Variants in CDH6 observed in about 807,000 individuals in gnomAD.
CDH6 encodes cadherin-6.
A neutral mutation model predicts 78.0 loss-of-function variants in CDH6; 31 were observed. The observed-to-expected ratio is 0.40, with a 90% CI of 0.30 to 0.54. The LOEUF (loss-of-function observed/expected upper bound fraction) is 0.54, where lower values mean the gene tolerates loss of function less well. Among genes scored for constraint, CDH6 ranks in the 20% least tolerant of loss-of-function variants. The pLI is 0.56. For synonymous variants in CDH6, 376 were observed against 368.8 expected (o/e 1.02, Z -0.23); for missense variants, 724 against 975.9 (o/e 0.74, Z 3.44).
In CDH6 at chr5:31,282,994, A is replaced by AGGAT. The variant is rs546068730; in HGVS notation, c.229-10944_229-10941dup. On this transcript the variant is annotated intron_variant, in intron 2 of 11. Coordinates refer to ENST00000265071, the MANE Select transcript of CDH6 (RefSeq NM_004932.4). ...AGTACACATTGATAAGAAAGATGGA[A>AGGAT]GGATGGATGGATGGATGGATGGATG... Among the ~76,000 whole-genome samples the AGGAT allele has an allele frequency of 3.9e-3, 589 of 152,184 alleles. 4 individuals are homozygous for AGGAT. Among genetic ancestry groups the AGGAT allele is most frequent in the African/African-American group, 0.011 (456 of 41,492 alleles).
intron 5 of CDH6, among the ~76,000 whole-genome samples, chr5:31,301,422 T>C (rs1737759326): frequency 6.6e-6 from 1 of 152,208 alleles, no homozygotes; most frequent in African/African-American, 2.4e-5. Flanking sequence ...TAAACTAAGT[T>C]TGCAACAGGA....
chr5:31,306,219 T>C (rs966296943), intron 7 of CDH6, among the ~76,000 whole-genome samples: 40 of 152,362 alleles, frequency 2.6e-4, no homozygotes, highest in Non-Finnish European at 1.5e-4. Flanking sequence ...TTTGTAGATG[T>C]AGATAAAAAC....
At chr5:31,281,090 C>T (rs1742851783) in intron 2 of CDH6, among the ~76,000 whole-genome samples, 1 of 152,092 alleles carries the variant, frequency 6.6e-6, no homozygotes, top group Non-Finnish European at 1.5e-5. Context: ...AGATACATAG[C>T]TTTAACTTTT....
At chr5:31,309,785 G>C (rs1218599866) in intron 7 of CDH6, among the ~76,000 whole-genome samples, 1 of 152,182 alleles carries the variant, frequency 6.6e-6, no homozygotes, top group Non-Finnish European at 1.5e-5. Flanking sequence ...AAGAGGGAAA[G>C]GAAGGGGAAA....
At chr5:31,225,448 G>A (rs1246899246) in intron 1 of CDH6, among the ~76,000 whole-genome samples, 1 of 152,110 alleles carries the variant, frequency 6.6e-6, no homozygotes, top group East Asian at 1.9e-4. Flanking sequence ...CTGAGACTGG[G>A]TAATTTATAA....
intron 2 of CDH6, among the ~76,000 whole-genome samples, chr5:31,280,537 T>C (rs1237943021): frequency 6.6e-6 from 1 of 151,958 alleles, no homozygotes; most frequent in Non-Finnish European, 1.5e-5. Context: ...GGGGTTTAAG[T>C]CTGATACTCT....
chr5:31,317,940 C>T lies in CDH6; in HGVS notation c.1882+16C>T. On this transcript the variant is annotated intron_variant, in intron 11 of 11. Transcript: ENST00000265071. ...ATCCTACTAGGTAAACTGGTTCTCC[C>T]TGCCTCCTATCTCCCCATGGTGAGG... 6.2e-7 allele frequency: 1 copy of T among 1,610,050 alleles called. No individual in the cohort carries two copies. Among genetic ancestry groups the T allele is most frequent in the Non-Finnish European group, 8.5e-7 (1 of 1,179,938 alleles).
chr5:31,324,214 CT>C lies in CDH6; in HGVS notation c.*907del, dbSNP rs1192991260. 1 of 215,370 alleles carries C rather than the reference CT, an allele frequency of 4.6e-6. No homozygotes were observed. The highest frequency in any genetic ancestry group is 9.4e-6 in the Non-Finnish European group (1 of 106,940). The allele number at this position is 215,370 out of a possible 1,614,324, so 13.3% of individuals were successfully genotyped here. ...CCTGAGACAAATTTTAACTTCTTGT[CT>C]ATAGTTGTCAGTATTATTCTACTAT... On this transcript the variant is annotated 3_prime_UTR_variant, in exon 12 of 12. Coordinates refer to ENST00000265071, the MANE Select transcript of CDH6 (RefSeq NM_004932.4).
chr5:31,313,143 A>C (rs1170826503), intron 7 of CDH6, among the ~76,000 whole-genome samples, 175 bp from the exon 8 acceptor site: 1 of 152,206 alleles, frequency 6.6e-6, no homozygotes, highest in Non-Finnish European at 1.5e-5. Context: ...TAATTTCTCA[A>C]AATATTTTAC....
chr5:31,219,240 C>T (rs1450597309), intron 1 of CDH6, among the ~76,000 whole-genome samples: 2 of 152,132 alleles, frequency 1.3e-5, no homozygotes, highest in Admixed American at 1.3e-4. Context: ...GATAAGCCAT[C>T]AGATTTTTTT....
In CDH6 at chr5:31,234,971, A is replaced by T. The variant is rs189661967; in HGVS notation, c.-128-32375A>T. On this transcript the variant is annotated intron_variant, in intron 1 of 11. Transcript: ENST00000265071. The stretch of plus-strand genomic sequence containing the variant: ...GTCCCCAAGCACTCCATTATCCACA[A>T]GTGTGTAATATGAAGGCCTCCCTGT... 4.2e-4 allele frequency among the ~76,000 whole-genome samples: 64 copies of T among 152,300 alleles called. No homozygotes were observed. In the South Asian group the frequency reaches 7.4e-3, roughly 18 times the overall value.
At chr5:31,318,421 G>A (rs966622883) in intron 11 of CDH6, 4 of 261,410 alleles carry the variant, frequency 1.5e-5, no homozygotes, top group African/African-American at 8.6e-5. Context: ...AACTAATGTT[G>A]ATTTACCATT....
At chr5:31,268,265 G>T (rs932375133) in intron 2 of CDH6, among the ~76,000 whole-genome samples, 23 of 152,146 alleles carry the variant, frequency 1.5e-4, no homozygotes, top group African/African-American at 3.4e-4. Flanking sequence ...CAAATAGTTG[G>T]CAAAAAACAG....
intron 9 of CDH6, 36 bp from the exon 10 acceptor site, chr5:31,317,339 C>A: frequency 1.9e-6 from 2 of 1,029,084 alleles, no homozygotes; most frequent in South Asian, 2.8e-5. Context: ...TTTGAGTTAT[C>A]AAAATTTTAT....
intron 2 of CDH6, among the ~76,000 whole-genome samples, chr5:31,271,692 C>A (rs980642690): frequency 6.6e-6 from 1 of 151,958 alleles, no homozygotes; most frequent in Non-Finnish European, 1.5e-5. Context: ...TTTTCTAAAC[C>A]ACATCTCCAT....
intron 1 of CDH6, among the ~76,000 whole-genome samples, chr5:31,261,768 A>G (rs1359073568): frequency 6.6e-6 from 1 of 152,182 alleles, no homozygotes; most frequent in African/African-American, 2.4e-5. Context: ...TAAATTTTAA[A>G]ACTTGAACGT....
At chr5:31,311,475 C>A (rs541485702) in intron 7 of CDH6, among the ~76,000 whole-genome samples, 5 of 152,356 alleles carry the variant, frequency 3.3e-5, no homozygotes, top group African/African-American at 1.2e-4. Flanking sequence ...TCTGTTCCAA[C>A]CTCTGCCTGT....
intron 1 of CDH6, chr5:31,250,156 T>C (rs920659180): frequency 3.3e-5 from 5 of 152,262 alleles, no homozygotes; most frequent in African/African-American, 9.7e-5. Context: ...AACTCAGATA[T>C]GGTTTCATAA....
chr5:31,280,084 C>T (rs1446037829), intron 2 of CDH6, among the ~76,000 whole-genome samples: 3 of 152,048 alleles, frequency 2.0e-5, no homozygotes, highest in African/African-American at 4.8e-5. Flanking sequence ...AAAATGATAA[C>T]GTGGCCATTG....
Sources: allele counts gnomAD v4.1 joint callset (sites outside exome capture counted in the v4.1 genomes callset), GRCh38; gene constraint gnomAD v4.1.1; transcripts MANE v1.5; gene names NCBI Gene and HGNC (gene_info 2026-07-23, HGNC 2026-07-21).